PHIP: variants seen among roughly 807,000 people sequenced by gnomAD.
The protein encoded by PHIP is PH-interacting protein.
PHIP carries 54 observed loss-of-function variants against 236.8 expected under a neutral mutation model. The ratio of observed to expected loss-of-function variants is 0.23; its 90% confidence interval spans 0.18 to 0.29. The LOEUF is 0.29. PHIP is among the 10% of genes least tolerant of loss of function. PHIP has a pLI of 1.00. For missense variants in PHIP, 1,370 were observed against 2,190.8 expected (o/e 0.63, Z 7.48); for synonymous variants, 756 against 718.9 (o/e 1.05, Z -0.83).
At chr6:79,064,240 T>C (rs1013742895) in intron 4 of PHIP, among the ~76,000 whole-genome samples, 3 of 152,148 alleles carry the variant, frequency 2.0e-5, no homozygotes, top group Non-Finnish European at 4.4e-5. Context: ...GTACACTAAC[T>C]TCCTCTCAAC....
chr6:78,996,332 GT>G (rs1769615335), intron 19 of PHIP, among the ~76,000 whole-genome samples: 1 of 152,102 alleles, frequency 6.6e-6, no homozygotes, highest in African/African-American at 2.4e-5. Context: ...TACTGATATG[GT>G]TTTTGTGGAA....
intron 15 of PHIP, among the ~76,000 whole-genome samples, chr6:79,005,629 G>A (rs1335694320): frequency 6.6e-6 from 1 of 151,782 alleles, no homozygotes; most frequent in Admixed American, 6.6e-5. Flanking sequence ...GAACAAAAAA[G>A]CAACTACTTT....
At chr6:79,005,999 C>G (rs1201158852) in intron 15 of PHIP, among the ~76,000 whole-genome samples, 1 of 151,958 alleles carries the variant, frequency 6.6e-6, no homozygotes, top group Non-Finnish European at 1.5e-5. Context: ...CTATATAACA[C>G]ATTTCATTGT....
chr6:78,989,551 T>C (rs1302712905), intron 20 of PHIP, among the ~76,000 whole-genome samples: 1 of 152,146 alleles, frequency 6.6e-6, no homozygotes, highest in Non-Finnish European at 1.5e-5. Flanking sequence ...GAAAAATAAA[T>C]GATAGCCAGC....
rs1770878673 is a variant in PHIP, at chr6:79,017,245, T to A, written c.1136+101A>T. On this transcript the variant is annotated intron_variant, in intron 12 of 39. Coordinates refer to ENST00000275034, the MANE Select transcript of PHIP (RefSeq NM_017934.7). ...GTATAACTGGTCAAGATCTTTTAGGTAGGTGATTATTTCCTATACAGCTTC... is the reference window on the plus strand; with the variant it reads ...GTATAACTGGTCAAGATCTTTTAGGAAGGTGATTATTTCCTATACAGCTTC... The A allele has an allele frequency of 6.1e-6, 4 of 658,782 alleles. No individual in the cohort carries two copies. The South Asian group carries it at 6.9e-5, about 11-fold the overall frequency. The allele number at this position is 658,782 out of a possible 1,614,324, so 40.8% of individuals were successfully genotyped here. A position where few individuals can be genotyped will look rare whatever the true frequency, so the allele number is the denominator to read the frequency against.
intron 15 of PHIP, among the ~76,000 whole-genome samples, chr6:79,006,836 C>A (rs1037237652): frequency 2.0e-4 from 30 of 151,792 alleles, no homozygotes; most frequent in African/African-American, 5.8e-4. Flanking sequence ...ATAAAGACCA[C>A]ATAAAGCTCA....
intron 6 of PHIP, among the ~76,000 whole-genome samples, chr6:79,056,810 A>G (rs1339666618): frequency 6.6e-6 from 1 of 152,166 alleles, no homozygotes; most frequent in Non-Finnish European, 1.5e-5. Flanking sequence ...GGGAGAGCAG[A>G]GGTCTTGTTC....
At chr6:79,066,847 T>A (rs1198936601) in intron 4 of PHIP, among the ~76,000 whole-genome samples, 5 of 152,168 alleles carry the variant, frequency 3.3e-5, no homozygotes, top group Admixed American at 3.3e-4. Flanking sequence ...TGCCCATGTA[T>A]CAGTAGTGCT....
At chr6:78,978,790 TA>T in intron 23 of PHIP, 79 bp from the exon 24 acceptor site, 1 of 1,119,726 alleles carries the variant, frequency 8.9e-7, no homozygotes, top group Non-Finnish European at 1.3e-6. Context: ...AAAATAACTA[TA>T]AAGATAATTA....
In PHIP at chr6:78,938,438, CATTT is replaced by C. The variant is rs958069640; in HGVS notation, c.*2251_*2254del. 2.0e-5 allele frequency: 3 copies of C among 151,578 alleles called. No individual in the cohort carries two copies. Among genetic ancestry groups the C allele is most frequent in the South Asian group, 2.1e-4 (1 of 4,830 alleles). 9.4% of individuals were successfully genotyped at this position (151,578 alleles called of 1,614,324 possible). ...TTTCTGTACACAACTTAAAACTGTACATTTTTTTTACAAAAATTGATTTTATAGC... is the reference window on the plus strand; with the variant it reads ...TTTCTGTACACAACTTAAAACTGTACTTTTTACAAAAATTGATTTTATAGC... On this transcript the variant is annotated 3_prime_UTR_variant, in exon 40 of 40. Transcript: ENST00000275034.
At chr6:79,022,040 ATTTTATAT>A (rs1771142821) in intron 9 of PHIP, among the ~76,000 whole-genome samples, 1 of 152,110 alleles carries the variant, frequency 6.6e-6, no homozygotes, top group Admixed American at 6.5e-5. Flanking sequence ...AAATAAAAAG[ATTTTATAT>A]TTTTAAAGGG....
intron 7 of PHIP, among the ~76,000 whole-genome samples, chr6:79,029,256 A>AC (rs1214384829): frequency 6.6e-6 from 1 of 151,982 alleles, no homozygotes; most frequent in Non-Finnish European, 1.5e-5. Flanking sequence ...CCCTAATTCT[A>AC]CCCCTCAGGA....
intron 19 of PHIP, among the ~76,000 whole-genome samples, chr6:78,995,886 T>C (rs988792201): frequency 2.0e-5 from 3 of 152,142 alleles, no homozygotes; most frequent in African/African-American, 7.2e-5. Flanking sequence ...AAGATTCCCA[T>C]AGGATGAGTA....
intron 19 of PHIP, among the ~76,000 whole-genome samples, chr6:78,992,903 G>A (rs1769358802): frequency 6.6e-6 from 1 of 152,174 alleles, no homozygotes; most frequent in Non-Finnish European, 1.5e-5. Context: ...ATTAAACTCT[G>A]TGATAAAGGC....
At chr6:78,979,427 G>GT (rs950497668) in intron 23 of PHIP, among the ~76,000 whole-genome samples, 20 of 151,382 alleles carry the variant, frequency 1.3e-4, no homozygotes, top group African/African-American at 4.9e-5. Context: ...ACAGCCTAGA[G>GT]TTTTTTTTTA....
intron 12 of PHIP, 138 bp downstream of exon 12, chr6:79,017,208 A>G (rs912324594): frequency 1.8e-6 from 1 of 553,310 alleles, no homozygotes; most frequent in East Asian, 3.0e-5. Context: ...TGAAGGCTAT[A>G]TTCACTTTTA....
intron 35 of PHIP, among the ~76,000 whole-genome samples, chr6:78,950,576 T>A (rs560478446): frequency 1.3e-5 from 2 of 152,320 alleles, no homozygotes; most frequent in South Asian, 4.1e-4. Flanking sequence ...GTTTATACTT[T>A]GAATATCGGT....
At chr6:79,003,633 T>G (rs773759319) in intron 16 of PHIP, 97 bp downstream of exon 16, 4 of 786,264 alleles carry the variant, frequency 5.1e-6, no homozygotes, top group Non-Finnish European at 7.6e-6. Context: ...TTATCCTGAA[T>G]GTAAAGATGC....
At chr6:79,060,843 T>A (rs111590806) in intron 4 of PHIP, 25 bp from the exon 5 acceptor site, 94 of 1,449,792 alleles carry the variant, frequency 6.5e-5, no homozygotes, top group Non-Finnish European at 8.1e-5. Context: ...ACAAATATAG[T>A]AGGTTTCAGT....
Sources: allele counts gnomAD v4.1 joint callset (sites outside exome capture counted in the v4.1 genomes callset), GRCh38; gene constraint gnomAD v4.1.1; transcripts MANE v1.5; gene names NCBI Gene and HGNC (gene_info 2026-07-23, HGNC 2026-07-21).